Variants in PKHD1 observed in about 807,000 individuals in gnomAD.
PKHD1 encodes the protein PKHD1 ciliary IPT domain containing fibrocystin/polyductin.
A neutral mutation model predicts 412.0 loss-of-function variants in PKHD1; 291 were observed. The observed-to-expected ratio is 0.71, with a 90% CI of 0.64 to 0.78. The LOEUF is 0.78. Ranked by LOEUF, PKHD1 falls within the 30% of genes least tolerant of loss-of-function variation. The probability of loss-of-function intolerance (pLI) is 0.00; values close to 1 mark genes in which losing one functional copy is unlikely to be tolerated. For missense variants in PKHD1, 4,825 were observed against 4,950.7 expected (o/e 0.97, Z 0.76); for synonymous variants, 1,777 against 1,821.5 (o/e 0.98, Z 0.62).
intron 43 of PKHD1, among the ~76,000 whole-genome samples, chr6:51,899,466 AC>A (rs1441235174): frequency 1.1e-4 from 16 of 151,944 alleles, no homozygotes; most frequent in Admixed American, 4.6e-4. Flanking sequence ...AAATTCAACA[AC>A]CCTTCATGCT....
chr6:51,725,816 GTTGTGCTAGGGGGCTAAACAA>G (rs1782504907), intron 60 of PKHD1, among the ~76,000 whole-genome samples: 2 of 152,312 alleles, frequency 1.3e-5, no homozygotes, highest in African/African-American at 4.8e-5. Flanking sequence ...CCCTTGCAGG[GTTGTGCTAGGGGGCTAAACAA>G]TTACAGTCTT....
intron 60 of PKHD1, among the ~76,000 whole-genome samples, chr6:51,696,010 A>G (rs1467293873): frequency 6.6e-6 from 1 of 152,210 alleles, no homozygotes; most frequent in East Asian, 1.9e-4. Context: ...TCCCAAAACT[A>G]CATCTATTTC....
At chr6:51,633,142 AG>A (rs1768126235) in intron 64 of PKHD1, among the ~76,000 whole-genome samples, 1 of 152,186 alleles carries the variant, frequency 6.6e-6, no homozygotes, top group Admixed American at 6.5e-5. Flanking sequence ...ACATCAAAAC[AG>A]GGGCATAGGG....
chr6:52,058,447 G>A lies in PKHD1; in HGVS notation c.1388C>T (p.Pro463Leu). ...YLEAEHHGIAPSRGMRIGVQI... is the reference protein window; with the variant it reads ...YLEAEHHGIALSRGMRIGVQI... ...GACACCAATCCTCATCCCCCTGCTT[G>A]GGGCTATCCCATGATGCTCTGCTTC... The change falls in exon 16 of 67, where the codon CCA becomes CTA. Residue 463 changes from proline (P) to leucine (L), a missense_variant. Pro to Leu is a moderately conservative substitution (Grantham distance 98). Transcript: ENST00000371117. 1.9e-6 allele frequency: 3 copies of A among 1,614,128 alleles called. No individual in the cohort carries two copies. Among genetic ancestry groups the A allele is most frequent in the Non-Finnish European group, 2.5e-6 (3 of 1,179,994 alleles).
At chr6:51,656,699 C>T (rs1193813047) in intron 61 of PKHD1, among the ~76,000 whole-genome samples, 1 of 147,460 alleles carries the variant, frequency 6.8e-6, no homozygotes, top group African/African-American at 2.5e-5. Context: ...CTGGCTCTGT[C>T]ACCCAGGCTG....
rs1018229996 is a variant in PKHD1 at position 52,019,609 on chromosome 6, C to G, written c.5381-1980G>C. Among the ~76,000 whole-genome samples the G allele has an allele frequency of 2.0e-5, 3 of 152,176 alleles. 1 individual carries two copies. Among genetic ancestry groups the G allele is most frequent in the African/African-American group, 7.2e-5 (3 of 41,442 alleles). On this transcript the variant is annotated intron_variant, in intron 33 of 66. Coordinates refer to ENST00000371117, the MANE Select transcript of PKHD1 (RefSeq NM_138694.4). Reference sequence around the variant, plus strand: ...ATGAAAATCACCCAGGGCTGGGGATCAAAATCTATGGGTTTTACTCAAAGT... The same window carrying G: ...ATGAAAATCACCCAGGGCTGGGGATGAAAATCTATGGGTTTTACTCAAAGT...
intron 53 of PKHD1, among the ~76,000 whole-genome samples, chr6:51,777,752 AG>A (rs564131048): frequency 8.3e-4 from 125 of 151,242 alleles, no homozygotes; most frequent in Admixed American, 2.7e-3. Flanking sequence ...AGAAAAAAGT[AG>A]GACAGTTTTT....
At chr6:51,697,097 G>A (rs1316757340) in intron 60 of PKHD1, among the ~76,000 whole-genome samples, 1 of 152,106 alleles carries the variant, frequency 6.6e-6, no homozygotes, top group African/African-American at 2.4e-5. Context: ...GCTGAGGCAG[G>A]AGAGTCGCTG....
chr6:52,014,736 GGA>G (rs1800283313), intron 34 of PKHD1, among the ~76,000 whole-genome samples: 1 of 147,218 alleles, frequency 6.8e-6, no homozygotes, highest in Non-Finnish European at 1.5e-5. Context: ...ATGGATGGAT[GGA>G]TGGATGGATG....
chr6:51,923,301 T>C (rs1303529706), intron 37 of PKHD1, among the ~76,000 whole-genome samples: 2 of 151,996 alleles, frequency 1.3e-5, no homozygotes, highest in African/African-American at 4.8e-5. Context: ...AACAGGGAGA[T>C]AATAAAGAGT....
intron 37 of PKHD1, among the ~76,000 whole-genome samples, chr6:51,926,176 C>T (rs1357864417): frequency 6.6e-6 from 1 of 152,032 alleles, no homozygotes; most frequent in Non-Finnish European, 1.5e-5. Flanking sequence ...GTTAAACAGC[C>T]ATTGGGAAAG....
intron 60 of PKHD1, among the ~76,000 whole-genome samples, chr6:51,702,134 A>G (rs1034008509): frequency 1.4e-5 from 2 of 147,612 alleles, no homozygotes; most frequent in Non-Finnish European, 3.0e-5. Flanking sequence ...TCGAATGGAT[A>G]AAAATACATA....
intron 35 of PKHD1, among the ~76,000 whole-genome samples, chr6:51,961,128 T>C (rs1040287792): frequency 3.9e-5 from 6 of 151,934 alleles, no homozygotes; most frequent in Non-Finnish European, 8.8e-5. Flanking sequence ...CCTCTCATGA[T>C]GTGTTAGAGG....
At chr6:51,904,148 TTG>T in intron 41 of PKHD1, 106 bp from the exon 42 acceptor site, 1 of 782,196 alleles carries the variant, frequency 1.3e-6, no homozygotes, top group Non-Finnish European at 2.3e-6. Flanking sequence ...GATTTTGTTT[TTG>T]TGTTTTTATC....
At chr6:51,758,713 G>T (rs975116811) in intron 55 of PKHD1, among the ~76,000 whole-genome samples, 1 of 152,058 alleles carries the variant, frequency 6.6e-6, no homozygotes, top group Admixed American at 6.6e-5. Context: ...TCTTTTTAAA[G>T]ATAACTCTAA....
intron 60 of PKHD1, among the ~76,000 whole-genome samples, chr6:51,723,328 T>C (rs1782161412): frequency 6.6e-6 from 1 of 152,198 alleles, no homozygotes; most frequent in Admixed American, 6.5e-5. Flanking sequence ...TCTAAATAGC[T>C]TTCTCCTTAA....
chr6:52,018,665 C>G (rs1379895881), intron 33 of PKHD1, among the ~76,000 whole-genome samples: 1 of 152,136 alleles, frequency 6.6e-6, no homozygotes, highest in Non-Finnish European at 1.5e-5. Flanking sequence ...AGGTGCACAC[C>G]ACCACACCCC....
At chr6:51,848,041 A>T in intron 49 of PKHD1, 71 bp from the exon 50 acceptor site, 1 of 1,015,508 alleles carries the variant, frequency 9.8e-7, no homozygotes, top group Non-Finnish European at 1.6e-6. Flanking sequence ...ACTCCACCAC[A>T]CCACCCTGCC....
At position 51,836,484 on chromosome 6, in the gene PKHD1, C is replaced by G; in HGVS notation, c.8108-15G>C. 6.3e-7 allele frequency: 1 copy of G among 1,587,984 alleles called. No homozygotes were observed. The highest frequency in any genetic ancestry group is 8.6e-7 in the Non-Finnish European group (1 of 1,156,358). On this transcript the variant is annotated splice_polypyrimidine_tract_variant and intron_variant, in intron 50 of 66. Coordinates refer to ENST00000371117, the MANE Select transcript of PKHD1 (RefSeq NM_138694.4). Reference sequence around the variant, plus strand: ...TTCACCTGAAACTAAATACCAAAAGCCACAACTTGCATGTGATACAAAGAT... The same window carrying G: ...TTCACCTGAAACTAAATACCAAAAGGCACAACTTGCATGTGATACAAAGAT...
Sources: gnomAD v4.1 joint callset for allele counts (sites outside exome capture counted in the v4.1 genomes callset) on GRCh38, gnomAD v4.1.1 for gene constraint, MANE v1.5 for transcripts, NCBI Gene and HGNC (gene_info 2026-07-23, HGNC 2026-07-21) for gene names.